HHLA2: variants seen among roughly 807,000 people sequenced by gnomAD.
HHLA2 encodes HERV-H LTR-associating protein 2.
In HHLA2, 48 loss-of-function variants were observed where a neutral mutation model predicts 45.9. That is an observed-to-expected ratio of 1.05 (90% confidence interval 0.83 to 1.33). The LOEUF (loss-of-function observed/expected upper bound fraction) is 1.33, where lower values mean the gene tolerates loss of function less well. HHLA2 is among the 40% of genes most tolerant of loss of function. HHLA2 has a pLI of 0.00. For missense variants in HHLA2, 462 were observed against 494.3 expected (o/e 0.93, Z 0.62); for synonymous variants, 161 against 173.9 (o/e 0.93, Z 0.59).
exon 11 of HHLA2, chr3:108,378,122 T>C (rs887518857): frequency 6.6e-6 from 1 of 152,236 alleles, no homozygotes; most frequent in African/African-American, 2.4e-5. Flanking sequence ...CTTGAGAATG[T>C]ACTTTGTGAG....
At chr3:108,340,643 C>G (rs6437773) in intron 3 of HHLA2, among the ~76,000 whole-genome samples, 130,224 of 152,182 alleles carry the variant, frequency 0.86, 57,194 homozygotes, top group Non-Finnish European at 0.93. Flanking sequence ...CTTTTATACT[C>G]TCCCTTCTTT....
At chr3:108,353,611 C>A in exon 5 of HHLA2, 1 of 1,613,712 alleles carries the variant, frequency 6.2e-7, no homozygotes, top group South Asian at 1.1e-5. Context: ...ATTTGGAAAG[C>A]CAAGATCCCA....
intron 8 of HHLA2, among the ~76,000 whole-genome samples, chr3:108,375,335 AG>A (rs2082252956): frequency 8.5e-6 from 1 of 117,068 alleles, no homozygotes; most frequent in Non-Finnish European, 1.8e-5. Flanking sequence ...CTTGTGGGGT[AG>A]GGGAGGGGGG....
intron 8 of HHLA2, among the ~76,000 whole-genome samples, chr3:108,364,564 G>A (rs145477992): frequency 0.016 from 2,364 of 152,248 alleles, 50 homozygotes; most frequent in African/African-American, 0.052. Flanking sequence ...TTGAGGAATC[G>A]CCACACTGTC....
At chr3:108,301,887 C>T (rs529071075) in intron 1 of HHLA2, among the ~76,000 whole-genome samples, 1 of 152,256 alleles carries the variant, frequency 6.6e-6, no homozygotes, top group Non-Finnish European at 1.5e-5. Flanking sequence ...ACTCGAGTGA[C>T]TCGCATTTAC....
At chr3:108,307,012 T>C (rs1055617378) in intron 1 of HHLA2, among the ~76,000 whole-genome samples, 1 of 152,068 alleles carries the variant, frequency 6.6e-6, no homozygotes, top group Non-Finnish European at 1.5e-5. Flanking sequence ...TCCGCCACCA[T>C]GCCTGGCTAA....
At chr3:108,357,892 C>G (rs2081922602) in exon 7 of HHLA2, 2 of 1,613,616 alleles carry the variant, frequency 1.2e-6, no homozygotes, top group Non-Finnish European at 1.7e-6. Flanking sequence ...TCATGTCAAC[C>G]TGTAAATGAT....
At chr3:108,372,947 C>T (rs58976530) in intron 8 of HHLA2, among the ~76,000 whole-genome samples, 2 of 150,748 alleles carry the variant, frequency 1.3e-5, no homozygotes, top group African/African-American at 4.8e-5. Flanking sequence ...CCAATCAACA[C>T]AAAAAGAGGG....
chr3:108,349,211 TA>T (rs56969431), intron 3 of HHLA2, among the ~76,000 whole-genome samples: 98,355 of 142,216 alleles, frequency 0.69, 33,192 homozygotes, highest in African/African-American at 0.74. Context: ...CTGTTTTTTT[TA>T]AAAAAAAAAA....
intron 2 of HHLA2, chr3:108,328,172 G>T (rs2081321304): frequency 3.6e-6 from 2 of 556,476 alleles, no homozygotes; most frequent in Non-Finnish European, 5.9e-6. Context: ...TTTCAGTTTG[G>T]TATAATATTT....
At position 108,361,617 on chromosome 3, in the gene HHLA2, A is replaced by G. The variant is rs947172260; in HGVS notation, c.1004-725A>G. 3.9e-5 allele frequency among the ~76,000 whole-genome samples: 6 copies of G among 152,218 alleles called. No homozygotes were observed. In the East Asian group the frequency reaches 1.2e-3, roughly 29 times the overall value. On this transcript the variant is annotated intron_variant, in intron 7 of 10. Coordinates refer to ENST00000619531, the Ensembl canonical transcript of HHLA2. ...TACAGTAAGAAAGAATCTTCTACCT[A>G]TAAAACTGTGAAGATGGAAAAAGAA... is the stretch of plus-strand genomic sequence containing the variant.
intron 8 of HHLA2, 74 bp from the exon 8 acceptor site, chr3:108,375,676 C>A (rs1240538890): frequency 9.7e-6 from 15 of 1,547,086 alleles, no homozygotes; most frequent in Non-Finnish European, 1.3e-5. Flanking sequence ...CAGAGCCATA[C>A]CAAGGTGACC....
At chr3:108,313,352 T>A (rs1026384018) in intron 2 of HHLA2, among the ~76,000 whole-genome samples, 10 of 152,114 alleles carry the variant, frequency 6.6e-5, no homozygotes, top group Non-Finnish European at 1.3e-4. Flanking sequence ...ACTGATTGGA[T>A]CCCAACCATT....
intron 8 of HHLA2, among the ~76,000 whole-genome samples, chr3:108,367,992 A>G (rs2082094735): frequency 6.6e-6 from 1 of 152,238 alleles, no homozygotes; most frequent in South Asian, 2.1e-4. Flanking sequence ...GAAGTCCATC[A>G]GACTAACAAT....
intron 8 of HHLA2, among the ~76,000 whole-genome samples, chr3:108,371,075 G>C (rs1030465500): frequency 3.0e-4 from 45 of 152,214 alleles, no homozygotes; most frequent in Non-Finnish European, 5.6e-4. Flanking sequence ...GGCAGCCAGA[G>C]AGAAAAGTCG....
intron 1 of HHLA2, among the ~76,000 whole-genome samples, chr3:108,306,791 T>G (rs1034265352): frequency 6.9e-4 from 105 of 152,162 alleles, no homozygotes; most frequent in African/African-American, 2.4e-3. Flanking sequence ...GACTTCAACC[T>G]TTTCCATTGT....
At chr3:108,329,215 G>A (rs1380311275) in intron 3 of HHLA2, among the ~76,000 whole-genome samples, 1 of 152,140 alleles carries the variant, frequency 6.6e-6, no homozygotes, top group African/African-American at 2.4e-5. Context: ...AGAAGTACAA[G>A]TAAACAGAAC....
chr3:108,376,347 A>T, intron 9 of HHLA2, 146 bp from the exon 9 acceptor site: 1 of 597,748 alleles, frequency 1.7e-6, no homozygotes, highest in Non-Finnish European at 2.9e-6. Flanking sequence ...TTTACACTGA[A>T]TGCATTTTTC....
At chr3:108,352,964 A>G (rs7632819) in intron 4 of HHLA2, among the ~76,000 whole-genome samples, 28,401 of 152,138 alleles carry the variant, frequency 0.19, 3,126 homozygotes, top group Non-Finnish European at 0.25. Flanking sequence ...TGTGCTCCAA[A>G]TATTTTCTTA....
Sources: allele counts gnomAD v4.1 joint callset (sites outside exome capture counted in the v4.1 genomes callset), GRCh38; gene constraint gnomAD v4.1.1; transcripts MANE v1.5; gene names NCBI Gene and HGNC (gene_info 2026-07-23, HGNC 2026-07-21).